OAF: variants seen among roughly 807,000 people sequenced by gnomAD.
OAF encodes the protein out at first protein homolog.
OAF carries 13 observed loss-of-function variants against 22.5 expected under a neutral mutation model. The ratio of observed to expected loss-of-function variants is 0.58; its 90% CI spans 0.38 to 0.92. The LOEUF (loss-of-function observed/expected upper bound fraction) is 0.92, where lower values mean the gene tolerates loss of function less well. OAF is among the 40% of genes least tolerant of loss of function. OAF has a pLI of 0.00. For synonymous variants in OAF, 175 were observed against 170.5 expected (o/e 1.03, Z -0.21); for missense variants, 347 against 381.8 (o/e 0.91, Z 0.76).
At chr11:120,227,082 C>A in intron 3 of OAF, 86 bp downstream of exon 3, 1 of 913,636 alleles carries the variant, frequency 1.1e-6, no homozygotes, top group South Asian at 1.9e-5. Context: ...AGGGCAGGGG[C>A]ATCATTAGTT....
intron 3 of OAF, among the ~76,000 whole-genome samples, chr11:120,227,984 T>G (rs1252909536): frequency 6.6e-6 from 1 of 152,106 alleles, no homozygotes; most frequent in Admixed American, 6.5e-5. Context: ...CGCCCCAATA[T>G]GCACACTTTC....
intron 1 of OAF, among the ~76,000 whole-genome samples, chr11:120,220,388 C>T (rs577951924): frequency 6.6e-5 from 10 of 152,196 alleles, no homozygotes; most frequent in Admixed American, 1.3e-4. Flanking sequence ...GAGAACTCTT[C>T]CATGCTGTTG....
chr11:120,229,368 C>CTTTTTG lies in OAF; in HGVS notation c.*226_*227insTTTTTG. The CTTTTTG allele has an allele frequency of 3.0e-6, 1 of 333,924 alleles. No homozygotes were observed. The highest frequency in any genetic ancestry group is 5.1e-6 in the Non-Finnish European group (1 of 194,324). 20.7% of individuals were successfully genotyped at this position (333,924 alleles called of 1,614,324 possible). A position where few individuals can be genotyped will look rare whatever the true frequency, so the allele number is the denominator to read the frequency against. ...TCCCACCCTGTGCCTTCCTTGCGGG[C>CTTTTTG]AGAGAGGGAGAGAAGGGCTCCCCAG... On this transcript the variant is annotated 3_prime_UTR_variant, in exon 4 of 4. Transcript: ENST00000328965.
At position 120,225,746 on chromosome 11, in the gene OAF, T is replaced by A; in HGVS notation, c.317T>A (p.Leu106Gln). ...QFQALCFVTQ[L>Q]QHNEIIPSEA... ...CAGGCCCTCTGCTTTGTCACCCAGC[T>A]GCAGCACAATGAGATCATCCCCAGT... Residue 106 changes from leucine to glutamine, a missense_variant, in exon 2 of 4, where the codon CTG (leucine) becomes CAG (glutamine). Leu to Gln is a moderately radical substitution (Grantham distance 113). Transcript: ENST00000328965. 1 of 1,607,226 alleles carries A rather than the reference T, an allele frequency of 6.2e-7. No individual in the cohort carries two copies. The highest frequency in any genetic ancestry group is 8.5e-7 in the Non-Finnish European group (1 of 1,176,928).
At chr11:120,225,874 G>A in intron 2 of OAF, 79 bp downstream of exon 2, 1 of 1,357,146 alleles carries the variant, frequency 7.4e-7, no homozygotes, top group Non-Finnish European at 1.0e-6. Context: ...CGCAGACCCG[G>A]CCCAGATCCT....
In OAF at chr11:120,229,092, G is replaced by T. The variant is rs1480438394; in HGVS notation, c.772G>T (p.Val258Leu). ...CQKSYSFDFY[V>L]PQRQLCLWDE... ...GAAGAGCTACAGCTTCGACTTCTAC[G>T]TGCCCCAGAGGCAGCTGTGTCTCTG... The change falls in exon 4 of 4, where the codon GTG becomes TTG. Residue 258 changes from valine to leucine, a missense_variant. Coordinates refer to ENST00000328965, the MANE Select transcript of OAF (RefSeq NM_178507.4). 2 of 1,613,626 alleles carry T rather than the reference G, an allele frequency of 1.2e-6. No individual in the cohort carries two copies. Among genetic ancestry groups the T allele is most frequent in the Non-Finnish European group, 1.7e-6 (2 of 1,179,954 alleles).
chr11:120,225,067 C>T (rs1280331185), intron 1 of OAF, among the ~76,000 whole-genome samples: 1 of 152,136 alleles, frequency 6.6e-6, no homozygotes, highest in Non-Finnish European at 1.5e-5. Context: ...AGAGGCGAGG[C>T]ATCCTAGCTC....
intron 1 of OAF, among the ~76,000 whole-genome samples, chr11:120,215,737 G>A (rs927375748): frequency 5.9e-5 from 9 of 152,274 alleles, no homozygotes; most frequent in Non-Finnish European, 1.2e-4. Flanking sequence ...CTGGAAGCTG[G>A]TATTCTTGCC....
At chr11:120,227,017 TG>T in intron 3 of OAF, 21 bp downstream of exon 3, 1 of 1,567,956 alleles carries the variant, frequency 6.4e-7, no homozygotes, top group Non-Finnish European at 8.7e-7. Context: ...AGCTGGGCAC[TG>T]CCCGCTGCTG....
At chr11:120,221,164 G>A (rs1409494307) in intron 1 of OAF, among the ~76,000 whole-genome samples, 4 of 152,122 alleles carry the variant, frequency 2.6e-5, no homozygotes, top group African/African-American at 9.7e-5. Flanking sequence ...CCTATTGTTT[G>A]CTGACTTGAG....
rs761591936 is a variant in OAF at position 120,226,910 on chromosome 11, T to C, written c.461T>C (p.Leu154Pro). 6.2e-7 allele frequency: 1 copy of C among 1,612,392 alleles called. No individual in the cohort carries two copies. The highest frequency in any genetic ancestry group is 8.5e-7 in the Non-Finnish European group (1 of 1,178,650). ...VAVNFSQGAL[L>P]SPHLHNVCAE... ...GTCAACTTCAGCCAGGGGGCCCTGC[T>C]GAGCCCCCATCTCCACAACGTGTGT... The change falls in exon 3 of 4, where the codon CTG becomes CCG. Residue 154 changes from leucine to proline, a missense_variant. Coordinates refer to ENST00000328965, the MANE Select transcript of OAF (RefSeq NM_178507.4).
At chr11:120,228,417 C>G (rs1166447565) in intron 3 of OAF, among the ~76,000 whole-genome samples, 2 of 152,134 alleles carry the variant, frequency 1.3e-5, no homozygotes, top group Non-Finnish European at 2.9e-5. Flanking sequence ...TCCTTGACTT[C>G]CAACCTTGTC....
At chr11:120,224,505 G>A (rs769888897) in intron 1 of OAF, among the ~76,000 whole-genome samples, 2 of 152,194 alleles carry the variant, frequency 1.3e-5, no homozygotes, top group Non-Finnish European at 2.9e-5. Context: ...TCGGGGCGGA[G>A]CTGTGAGTCC....
At chr11:120,226,478 G>A (rs757776748) in intron 2 of OAF, among the ~76,000 whole-genome samples, 104 of 152,324 alleles carry the variant, frequency 6.8e-4, no homozygotes, top group African/African-American at 2.3e-3. Context: ...TGGAAAGTAC[G>A]TGATTCCAGA....
At chr11:120,223,201 C>T (rs542918742) in intron 1 of OAF, among the ~76,000 whole-genome samples, 1 of 152,302 alleles carries the variant, frequency 6.6e-6, no homozygotes, top group African/African-American at 2.4e-5. Context: ...GCTTCTTTAG[C>T]TGAGCATCAA....
intron 1 of OAF, among the ~76,000 whole-genome samples, chr11:120,219,245 C>G (rs1017207797): frequency 3.3e-5 from 5 of 152,074 alleles, no homozygotes; most frequent in Non-Finnish European, 5.9e-5. Context: ...GAATGTGGAA[C>G]AGGAGCCACT....
intron 1 of OAF, among the ~76,000 whole-genome samples, chr11:120,217,721 A>G (rs1287009515): frequency 6.6e-6 from 1 of 152,200 alleles, no homozygotes; most frequent in Non-Finnish European, 1.5e-5. Flanking sequence ...ACCAGAGACA[A>G]CAGTGTGATG....
intron 3 of OAF, 75 bp from the exon 4 acceptor site, chr11:120,228,793 G>T (rs1938394289): frequency 8.4e-7 from 1 of 1,183,446 alleles, no homozygotes. Context: ...GTGGGGAATG[G>T]CAGCGGCCTC....
intron 1 of OAF, among the ~76,000 whole-genome samples, chr11:120,224,584 G>A (rs959997283): frequency 1.3e-5 from 2 of 152,214 alleles, no homozygotes; most frequent in Non-Finnish European, 2.9e-5. Flanking sequence ...TGTTCTCGCG[G>A]GTGTACAGCA....
Sources: gnomAD v4.1 joint callset for allele counts (sites outside exome capture counted in the v4.1 genomes callset) on GRCh38, gnomAD v4.1.1 for gene constraint, MANE v1.5 for transcripts, NCBI Gene and HGNC (gene_info 2026-07-23, HGNC 2026-07-21) for gene names.